Variants in EED observed in about 807,000 individuals in gnomAD.
The protein encoded by EED is polycomb protein EED.
EED carries 9 observed loss-of-function variants against 61.0 expected under a neutral mutation model. The ratio of observed to expected loss-of-function variants is 0.15; its 90% confidence interval spans 0.09 to 0.26. The LOEUF (loss-of-function observed/expected upper bound fraction) is 0.26, where lower values mean the gene tolerates loss of function less well. EED is among the 10% of genes least tolerant of loss of function. The pLI is 1.00. For missense variants in EED, 315 were observed against 542.3 expected (o/e 0.58, Z 4.16); for synonymous variants, 187 against 174.4 (o/e 1.07, Z -0.57).
At chr11:86,256,638 C>A in intron 5 of EED, 126 bp downstream of exon 5, 1 of 1,000,530 alleles carries the variant, frequency 1.0e-6, no homozygotes, top group Non-Finnish European at 1.3e-6. Context: ...ACTTTTCTTA[C>A]TGCTCTCTTT....
chr11:86,257,659 T>C, intron 6 of EED, 63 bp downstream of exon 6: 1 of 1,370,926 alleles, frequency 7.3e-7, no homozygotes, highest in Non-Finnish European at 1.0e-6. Context: ...GAGTCACTAA[T>C]GTCAAGAAAA....
chr11:86,250,548 A>G, intron 2 of EED, 100 bp downstream of exon 2: 1 of 1,300,064 alleles, frequency 7.7e-7, no homozygotes, highest in Non-Finnish European at 1.0e-6. Flanking sequence ...CAAGTTGTAA[A>G]TATTTTAAAG....
chr11:86,257,976 C>T (rs1297992490), intron 6 of EED, among the ~76,000 whole-genome samples: 1 of 152,170 alleles, frequency 6.6e-6, no homozygotes, highest in African/African-American at 2.4e-5. Context: ...CATTGCAGTG[C>T]ATTATTTCCA....
chr11:86,260,897 C>T (rs1945809362), intron 6 of EED, among the ~76,000 whole-genome samples: 1 of 150,336 alleles, frequency 6.7e-6, no homozygotes, highest in Non-Finnish European at 1.5e-5. Context: ...AAAGTAAGAA[C>T]AAGAAATTGA....
intron 9 of EED, 113 bp downstream of exon 9, chr11:86,268,674 T>C (rs1946044045): frequency 1.7e-6 from 1 of 601,292 alleles, no homozygotes; most frequent in African/African-American, 1.9e-5. Context: ...TTATGTAGTT[T>C]ATTAAATTGA....
At chr11:86,253,086 C>G (rs536693362) in intron 3 of EED, among the ~76,000 whole-genome samples, 175 of 152,198 alleles carry the variant, frequency 1.1e-3, no homozygotes, top group Non-Finnish European at 1.8e-3. Flanking sequence ...AGGCTCTAGG[C>G]CTTTTACTAT....
intron 9 of EED, among the ~76,000 whole-genome samples, 189 bp downstream of exon 9, chr11:86,268,750 G>A (rs1013520149): frequency 1.8e-4 from 27 of 152,000 alleles, no homozygotes; most frequent in Non-Finnish European, 5.9e-5. Context: ...CTTGTTTTAA[G>A]AATAAAACAT....
In EED at chr11:86,245,101, A is replaced by C; in HGVS notation, c.-129A>C. 3.3e-6 allele frequency: 2 copies of C among 614,072 alleles called. No individual in the cohort carries two copies. The highest frequency in any genetic ancestry group is 4.0e-5 in the Admixed American group (1 of 24,972). The allele number at this position is 614,072 out of a possible 1,614,324, so 38.0% of individuals were successfully genotyped here. On this transcript the variant is annotated 5_prime_UTR_variant, in exon 1 of 12. Coordinates refer to ENST00000263360, the MANE Select transcript of EED (RefSeq NM_003797.5). ...TCGGCGGCTGGGCGCGATTTGCGAC[A>C]GTGGGGGGGGCGGTGGAGGTGGCGG...
At position 86,245,176 on chromosome 11, in the gene EED, G is replaced by T. The variant is rs1945356145; in HGVS notation, c.-54G>T. ...CTCGGGCCGGGCTTGCTTGACGGCG[G>T]TGTGGCGGAGGCCCCGCCCCAGGCG... On this transcript the variant is annotated 5_prime_UTR_variant, in exon 1 of 12. Transcript: ENST00000263360. 6.8e-7 allele frequency: 1 copy of T among 1,470,234 alleles called. No homozygotes were observed. Among genetic ancestry groups the T allele is most frequent in the Non-Finnish European group, 9.4e-7 (1 of 1,060,772 alleles). 91.1% of individuals were successfully genotyped at this position (1,470,234 alleles called of 1,614,324 possible). A position where few individuals can be genotyped will look rare whatever the true frequency, so the allele number is the denominator to read the frequency against.
intron 8 of EED, among the ~76,000 whole-genome samples, chr11:86,267,692 G>C (rs10898462): frequency 0.41 from 61,632 of 151,228 alleles, 12,687 homozygotes; most frequent in East Asian, 0.51. Context: ...CCTCTGCCTC[G>C]CAGGTTCAAG....
Position 86,268,547 on chromosome 11 carries a change from T to C in EED, c.952T>C (p.Leu318=). The change falls in exon 9 of 12, where the codon TTG becomes CTG. Residue 318 remains leucine, a synonymous_variant. Transcript: ENST00000263360. ...TGATTGTGTGCGATGGTTAGGCGAT[T>C]TGATACTTTCTAAGGTATGGTAACT... is the stretch of plus-strand genomic sequence containing the variant. The part of the protein sequence containing the change: ...YVDCVRWLGD[L]ILSKSCENAI... 1 of 1,611,072 alleles carries C rather than the reference T, an allele frequency of 6.2e-7. No homozygotes were observed. Among genetic ancestry groups the C allele is most frequent in the East Asian group, 2.2e-5 (1 of 44,778 alleles).
the EED span, among the ~76,000 whole-genome samples, chr11:86,285,954 A>T: frequency 6.6e-6 from 1 of 152,118 alleles, no homozygotes; most frequent in Non-Finnish European, 1.5e-5. Flanking sequence ...TGAAATTAGA[A>T]ATTACAGAAT....
At chr11:86,248,710 A>T (rs1945450548) in intron 1 of EED, among the ~76,000 whole-genome samples, 1 of 152,154 alleles carries the variant, frequency 6.6e-6, no homozygotes, top group Admixed American at 6.6e-5. Flanking sequence ...CATGTCTATC[A>T]GTTATTCATA....
rs1336288252 is a variant in EED, at chr11:86,278,800, T to A, written c.*275T>A. 3 of 279,428 alleles carry A rather than the reference T, an allele frequency of 1.1e-5. No homozygotes were observed. The highest frequency in any genetic ancestry group is 6.5e-5 in the African/African-American group (3 of 46,326). The allele number at this position is 279,428 out of a possible 1,614,324, so 17.3% of individuals were successfully genotyped here. ...AAGTTAAAAGTAATAAAATTATGCC[T>A]TATCTTTTTATAATGGTTGTTTTTT... On this transcript the variant is annotated 3_prime_UTR_variant, in exon 12 of 12. Coordinates refer to ENST00000263360, the MANE Select transcript of EED (RefSeq NM_003797.5).
chr11:86,277,828 T>C, intron 10 of EED, 90 bp from the exon 11 acceptor site: 1 of 1,313,072 alleles, frequency 7.6e-7, no homozygotes, highest in Non-Finnish European at 1.0e-6. Context: ...GAGCTTTTTC[T>C]GAAACAAGAA....
chr11:86,274,260 G>A (rs2049374641), intron 9 of EED, among the ~76,000 whole-genome samples: 1 of 152,038 alleles, frequency 6.6e-6, no homozygotes, highest in Non-Finnish European at 1.5e-5. Flanking sequence ...TTCATTCTAA[G>A]TATGTTTGCA....
intron 8 of EED, among the ~76,000 whole-genome samples, chr11:86,266,614 G>A (rs1211398628): frequency 1.3e-5 from 2 of 152,020 alleles, no homozygotes; most frequent in Admixed American, 1.3e-4. Context: ...ATTCAAGATG[G>A]TAAACCACAG....
chr11:86,278,370 T>C, intron 11 of EED, 29 bp from the exon 12 acceptor site: 1 of 1,608,736 alleles, frequency 6.2e-7, no homozygotes, highest in Non-Finnish European at 8.5e-7. Flanking sequence ...ATGTGTGGTC[T>C]TTAACCTGTT....
chr11:86,251,796 T>A (rs1478307815), intron 2 of EED, among the ~76,000 whole-genome samples: 1 of 152,202 alleles, frequency 6.6e-6, no homozygotes, highest in Non-Finnish European at 1.5e-5. Flanking sequence ...TTCAGAAAAA[T>A]AAATTGTGTC....
Sources: allele counts gnomAD v4.1 joint callset (sites outside exome capture counted in the v4.1 genomes callset), GRCh38; gene constraint gnomAD v4.1.1; transcripts MANE v1.5; gene names NCBI Gene and HGNC (gene_info 2026-07-23, HGNC 2026-07-21).